Variants in PPIE observed in about 807,000 individuals in gnomAD.
PPIE encodes peptidyl-prolyl cis-trans isomerase E.
A neutral mutation model predicts 38.4 loss-of-function variants in PPIE; 20 were observed. That is an observed-to-expected ratio of 0.52 (90% CI 0.37 to 0.76). The LOEUF (loss-of-function observed/expected upper bound fraction) is 0.76. Ranked by LOEUF, PPIE falls within the 30% of genes least tolerant of loss-of-function variation. PPIE has a pLI of 0.00. For missense variants in PPIE, 322 were observed against 385.8 expected (o/e 0.83, Z 1.39); for synonymous variants, 142 against 135.7 (o/e 1.05, Z -0.32).
downstream of PPIE, chr1:39,760,259 T>C (rs1218240196): frequency 2.5e-6 from 3 of 1,218,972 alleles, no homozygotes; most frequent in Non-Finnish European, 3.4e-6. Flanking sequence ...AAGGGGAGCA[T>C]AGGAGCCTGG....
In PPIE at chr1:39,741,893, A is replaced by G; in HGVS notation, c.175-2A>G. ...ACTTGTACCTTTGTCTTTCCTTGGC[A>G]GGATGCTGCAGCAGCTATCGACAAC... On this transcript the variant is annotated splice_acceptor_variant, in intron 3 of 9. Coordinates refer to ENST00000324379, the MANE Select transcript of PPIE (RefSeq NM_006112.4). LOFTEE classifies it high-confidence loss of function. 6.2e-7 allele frequency: 1 copy of G among 1,614,244 alleles called. No homozygotes were observed. Among genetic ancestry groups the G allele is most frequent in the East Asian group, 2.2e-5 (1 of 44,886 alleles).
intron 7 of PPIE, chr1:39,748,584 A>G (rs959146853): frequency 3.2e-5 from 8 of 250,954 alleles, no homozygotes; most frequent in South Asian, 1.3e-4. Context: ...TAAAAATACA[A>G]AATTAGCCAG....
At chr1:39,759,002 G>C (rs1648592082), downstream of PPIE, 1 of 152,370 alleles carries the variant, frequency 6.6e-6, no homozygotes, top group Admixed American at 6.5e-5. Context: ...ACTCTGCCGG[G>C]CTGTGCCTGT....
chr1:39,744,493 T>C (rs1024155390), intron 6 of PPIE, among the ~76,000 whole-genome samples: 6 of 152,220 alleles, frequency 3.9e-5, no homozygotes, highest in Non-Finnish European at 7.3e-5. Flanking sequence ...TCTGTATTTC[T>C]TTCTTGGCTC....
At chr1:39,753,235 A>G in intron 9 of PPIE, 52 bp from the exon 10 acceptor site, 3 of 1,607,096 alleles carry the variant, frequency 1.9e-6, no homozygotes, top group Non-Finnish European at 2.6e-6. Flanking sequence ...TGGTATCCCT[A>G]AACCACTGTT....
intron 1 of PPIE, chr1:39,739,252 T>G: frequency 3.1e-6 from 1 of 321,302 alleles, no homozygotes; most frequent in Non-Finnish European, 5.6e-6. Context: ...GCCTCTGCTT[T>G]TGCGACTCCC....
At chr1:39,745,910 A>T (rs1045649449) in intron 7 of PPIE, 15 of 160,018 alleles carry the variant, frequency 9.4e-5, no homozygotes, top group Non-Finnish European at 1.5e-4. Context: ...TTTTTAATCT[A>T]AATTTTATTA....
chr1:39,750,858 T>C (rs1647651269), intron 8 of PPIE, among the ~76,000 whole-genome samples: 1 of 152,220 alleles, frequency 6.6e-6, no homozygotes, highest in Non-Finnish European at 1.5e-5. Flanking sequence ...CCCTCTTTAC[T>C]ATACTGAACT....
intron 8 of PPIE, among the ~76,000 whole-genome samples, chr1:39,751,251 A>G (rs907099881): frequency 2.6e-5 from 4 of 152,394 alleles, no homozygotes; most frequent in Admixed American, 6.5e-5. Flanking sequence ...AAGCACTCCA[A>G]AACTTTGGGC....
rs748811881 is a variant in PPIE, at chr1:39,745,376, G to T, written c.386G>T (p.Gly129Val). ...ACTAGCAATTTCTTCTGCACCTAGG[G>T]AGAGCCCATTGCTAAAAAGGCCCGC... ...SEPPKAETQE[G>V]EPIAKKARSN... is the part of the protein sequence containing the mutation. The change falls in exon 7 of 10, where the codon GGA becomes GTA. Residue 129 changes from glycine (G) to valine (V), a missense_variant and splice_region_variant. Transcript: ENST00000324379. 1.2e-6 allele frequency: 2 copies of T among 1,614,148 alleles called. No individual in the cohort carries two copies. The highest frequency in any genetic ancestry group is 1.7e-5 in the Admixed American group (1 of 60,022).
chr1:39,738,910 A>G lies in PPIE; in HGVS notation c.10A>G (p.Thr4Ala). The G allele has an allele frequency of 1.3e-6, 2 of 1,506,524 alleles. No individual in the cohort carries two copies. The highest frequency in any genetic ancestry group is 1.8e-6 in the Non-Finnish European group (2 of 1,128,968). 93.3% of individuals were successfully genotyped at this position (1,506,524 alleles called of 1,614,324 possible). The change falls in exon 1 of 10, where the codon ACC becomes GCC. Residue 4 changes from threonine to alanine, a missense_variant. Coordinates refer to ENST00000324379, the MANE Select transcript of PPIE (RefSeq NM_006112.4). MAT[T>A]KRVLYVGGLA... The stretch of plus-strand genomic sequence containing the variant: ...AAAGCGCGCGAGCAAGATGGCCACC[A>G]CCAAGCGCGTCTTGTACGTGGGTGA...
Position 39,755,646 on chromosome 1 carries a change from A to T in PPIE, c.*2291A>T. 6.1e-6 allele frequency: 6 copies of T among 985,392 alleles called. No individual in the cohort carries two copies. Among genetic ancestry groups the T allele is most frequent in the Non-Finnish European group, 7.2e-6 (6 of 829,918 alleles). 61.0% of individuals were successfully genotyped at this position (985,392 alleles called of 1,614,324 possible). A position where few individuals can be genotyped will look rare whatever the true frequency, so the allele number is the denominator to read the frequency against. On this transcript the variant is annotated 3_prime_UTR_variant, in exon 10 of 10. Coordinates refer to ENST00000324379, the MANE Select transcript of PPIE (RefSeq NM_006112.4). ...GTAGAAAAAGCACAGCCAGCCTCCC[A>T]TAAAAGGACAGACTCCTGTGACAAC...
rs909367733 is a variant in PPIE at position 39,756,178 on chromosome 1, ACT to A, written c.*2826_*2827del. 158 of 984,998 alleles carry A rather than the reference ACT, an allele frequency of 1.6e-4. No individual in the cohort carries two copies. The highest frequency in any genetic ancestry group is 1.1e-4 in the East Asian group (1 of 8,786). The allele number at this position is 984,998 out of a possible 1,614,324, so 61.0% of individuals were successfully genotyped here. ...AGCTGCACCTGGCTGCCTCGGGAAA[ACT>A]CTGACCTCTCTGGGAAGTGGAGCCA... is the stretch of plus-strand genomic sequence containing the variant. On this transcript the variant is annotated 3_prime_UTR_variant, in exon 10 of 10. Coordinates refer to ENST00000324379, the MANE Select transcript of PPIE (RefSeq NM_006112.4).
chr1:39,751,465 C>T (rs1647724881), intron 8 of PPIE, among the ~76,000 whole-genome samples: 1 of 152,112 alleles, frequency 6.6e-6, no homozygotes, highest in African/African-American at 2.4e-5. Context: ...CTCAAGCAGT[C>T]CTGCCTCAGC....
At chr1:39,748,357 T>A (rs1445577990) in intron 7 of PPIE, 1 of 152,276 alleles carries the variant, frequency 6.6e-6, no homozygotes, top group Admixed American at 6.5e-5. Flanking sequence ...GTTTTTCTTT[T>A]AAAAAATCAG....
chr1:39,745,370 C>T lies in PPIE; in HGVS notation c.385-5C>T, dbSNP rs1476747568. 1.9e-6 allele frequency: 3 copies of T among 1,614,008 alleles called. No homozygotes were observed. The highest frequency in any genetic ancestry group is 1.1e-5 in the South Asian group (1 of 91,066). ...TCTCTAACTAGCAATTTCTTCTGCA[C>T]CTAGGGAGAGCCCATTGCTAAAAAG... On this transcript the variant is annotated splice_polypyrimidine_tract_variant and splice_region_variant and intron_variant, in intron 6 of 9. Transcript: ENST00000324379.
Position 39,753,638 on chromosome 1 carries a change from C to G in PPIE, c.*283C>G. Reference sequence around the variant, plus strand: ...TTTCTCAGCATTTGCTGCTGGGCCTCTCCTGGGACTACCAGTGTGGCTCTT... The same window carrying G: ...TTTCTCAGCATTTGCTGCTGGGCCTGTCCTGGGACTACCAGTGTGGCTCTT... On this transcript the variant is annotated 3_prime_UTR_variant, in exon 10 of 10. Coordinates refer to ENST00000324379, the MANE Select transcript of PPIE (RefSeq NM_006112.4). 1 of 1,282,830 alleles carries G rather than the reference C, an allele frequency of 7.8e-7. No individual in the cohort carries two copies. Among genetic ancestry groups the G allele is most frequent in the Non-Finnish European group, 9.9e-7 (1 of 1,015,044 alleles). 79.5% of individuals were successfully genotyped at this position (1,282,830 alleles called of 1,614,324 possible).
intron 2 of PPIE, among the ~76,000 whole-genome samples, chr1:39,740,565 A>G (rs927759492): frequency 3.0e-4 from 45 of 152,308 alleles, no homozygotes; most frequent in African/African-American, 1.0e-3. Flanking sequence ...GTTTTAATCT[A>G]CCTGATGGGT....
chr1:39,760,584 G>A, downstream of PPIE: 1 of 1,611,932 alleles, frequency 6.2e-7, no homozygotes, highest in Non-Finnish European at 8.5e-7. Context: ...CAGGAAGAGG[G>A]CACAGGCAGG....
Sources: allele counts gnomAD v4.1 joint callset (sites outside exome capture counted in the v4.1 genomes callset), GRCh38; gene constraint gnomAD v4.1.1; transcripts MANE v1.5; gene names NCBI Gene and HGNC (gene_info 2026-07-23, HGNC 2026-07-21).